Variants in MAP2 observed in about 807,000 individuals in gnomAD.
MAP2 encodes the protein microtubule associated protein 2.
A neutral mutation model predicts 137.6 loss-of-function variants in MAP2; 14 were observed. That is an observed-to-expected ratio of 0.10 (90% CI 0.07 to 0.16). The LOEUF (loss-of-function observed/expected upper bound fraction) is 0.16, where lower values mean the gene tolerates loss of function less well. Among genes scored for constraint, MAP2 ranks in the 10% least tolerant of loss-of-function variants. MAP2 has a pLI of 1.00. For synonymous variants in MAP2, 786 were observed against 782.3 expected (o/e 1.00, Z -0.08); for missense variants, 2,088 against 2,191.5 (o/e 0.95, Z 0.94).
Position 209,695,561 on chromosome 2 carries a change from T to A in MAP2, c.3391T>A (p.Tyr1131Asn). The change falls in exon 8 of 16, where the codon TAT becomes AAT. Residue 1131 changes from tyrosine to asparagine, a missense_variant. Physicochemically the swap from Tyr to Asn is moderately radical, Grantham distance 143. Around this residue, in one of 6 missense-constraint regions of MAP2, gnomAD observed 8 missense variants for 28.8 expected, o/e 0.28. Coordinates refer to ENST00000682079, the MANE Select transcript of MAP2 (RefSeq NM_001375505.1). ...HQEAVDKEES[Y>N]ESSGEHESLT... Reference sequence around the variant, plus strand: ...GGAGGCTGTAGACAAGGAGGAGTCCTATGAATCTAGTGGTGAGCATGAAAG... The same window carrying A: ...GGAGGCTGTAGACAAGGAGGAGTCCAATGAATCTAGTGGTGAGCATGAAAG... 6.2e-7 allele frequency: 1 copy of A among 1,614,052 alleles called. No homozygotes were observed. Among genetic ancestry groups the A allele is most frequent in the Non-Finnish European group, 8.5e-7 (1 of 1,180,008 alleles).
chr2:209,713,329 T>C (rs16843574), intron 13 of MAP2, among the ~76,000 whole-genome samples: 5,674 of 152,290 alleles, frequency 0.037, 266 homozygotes, highest in South Asian at 0.22. Flanking sequence ...TGTACAGGTT[T>C]TGTGCTTAAC....
intron 13 of MAP2, among the ~76,000 whole-genome samples, chr2:209,712,147 A>G (rs954806305): frequency 2.0e-5 from 3 of 152,154 alleles, no homozygotes; most frequent in African/African-American, 4.8e-5. Context: ...CTAAGATTCA[A>G]TCAACCCAAA....
chr2:209,477,851 A>C (rs1434330503), intron 1 of MAP2, among the ~76,000 whole-genome samples: 1 of 151,690 alleles, frequency 6.6e-6, no homozygotes, highest in Non-Finnish European at 1.5e-5. Flanking sequence ...TTAAAAAAAA[A>C]AAAAAAGCCA....
At chr2:209,659,601 T>C (rs562181655) in intron 5 of MAP2, among the ~76,000 whole-genome samples, 1 of 152,296 alleles carries the variant, frequency 6.6e-6, no homozygotes, top group African/African-American at 2.4e-5. Flanking sequence ...TTATTCCTAG[T>C]TTTCAATCTG....
At chr2:209,536,958 C>T (rs1311423928) in intron 2 of MAP2, among the ~76,000 whole-genome samples, 1 of 152,152 alleles carries the variant, frequency 6.6e-6, no homozygotes, top group African/African-American at 2.4e-5. Flanking sequence ...GTAAGGATAG[C>T]TCACAGTGGC....
At chr2:209,663,418 C>T (rs1295714844) in intron 5 of MAP2, among the ~76,000 whole-genome samples, 1 of 152,156 alleles carries the variant, frequency 6.6e-6, no homozygotes, top group East Asian at 1.9e-4. Flanking sequence ...TGTAGCTCGT[C>T]TCACTGAATG....
intron 4 of MAP2, among the ~76,000 whole-genome samples, chr2:209,625,925 A>G (rs1254227368): frequency 2.0e-5 from 3 of 152,154 alleles, no homozygotes; most frequent in African/African-American, 7.2e-5. Context: ...CAAAATTCCT[A>G]TGATAAAAGC....
rs115065247 is a variant in MAP2, at chr2:209,723,681, C to T, written c.5074-2028C>T. The T allele has an allele frequency of 1.7e-3, 2,765 of 1,612,884 alleles. 2 individuals are homozygous for T. Among genetic ancestry groups the T allele is most frequent in the Non-Finnish European group, 2.0e-3 (2,368 of 1,178,876 alleles). ...ATAACATCAAACATTCGGCTGGGGG[C>T]GGAAATGTAAGTAGAAGCGCCTTTT... is the stretch of plus-strand genomic sequence containing the variant. On this transcript the variant is annotated intron_variant, in intron 13 of 15. Coordinates refer to ENST00000682079, the MANE Select transcript of MAP2 (RefSeq NM_001375505.1).
At chr2:209,539,013 A>G (rs570194884) in intron 2 of MAP2, among the ~76,000 whole-genome samples, 1 of 152,316 alleles carries the variant, frequency 6.6e-6, no homozygotes, top group South Asian at 2.1e-4. Context: ...AAAAAATATT[A>G]GAATGATACA....
intron 5 of MAP2, among the ~76,000 whole-genome samples, chr2:209,660,784 A>T (rs1382062233): frequency 6.9e-6 from 1 of 144,466 alleles, no homozygotes; most frequent in East Asian, 2.1e-4. Context: ...CCCAGGCTGG[A>T]GTGCAGTGGC....
intron 1 of MAP2, among the ~76,000 whole-genome samples, chr2:209,458,396 C>T (rs1218940496): frequency 3.3e-5 from 5 of 152,118 alleles, no homozygotes; most frequent in African/African-American, 1.2e-4. Context: ...TAAAAAGGAA[C>T]TGTTCTAGGG....
At chr2:209,704,532 A>G in intron 11 of MAP2, 1 of 1,612,858 alleles carries the variant, frequency 6.2e-7, no homozygotes, top group Non-Finnish European at 8.5e-7. Context: ...AGCACGACTA[A>G]AAGGGCTACA....
intron 2 of MAP2, among the ~76,000 whole-genome samples, chr2:209,562,066 C>G (rs1578294225): frequency 6.6e-6 from 1 of 152,178 alleles, no homozygotes; most frequent in East Asian, 1.9e-4. Flanking sequence ...ATTCCTTATA[C>G]TTAAGGGTCA....
chr2:209,545,979 A>T (rs1456489657), intron 2 of MAP2, among the ~76,000 whole-genome samples: 1 of 152,092 alleles, frequency 6.6e-6, no homozygotes. Flanking sequence ...TCTCTACTAA[A>T]AAAATACAAA....
At chr2:209,639,700 A>T (rs1443105074) in intron 4 of MAP2, among the ~76,000 whole-genome samples, 1 of 151,154 alleles carries the variant, frequency 6.6e-6, no homozygotes, top group Non-Finnish European at 1.5e-5. Flanking sequence ...CATCGACCTC[A>T]TTTCCACACT....
chr2:209,585,679 C>G (rs1291895811), intron 3 of MAP2, among the ~76,000 whole-genome samples: 1 of 152,092 alleles, frequency 6.6e-6, no homozygotes, highest in African/African-American at 2.4e-5. Context: ...CATTTTAAAT[C>G]CCTACTGTTT....
intron 12 of MAP2, among the ~76,000 whole-genome samples, chr2:209,708,675 T>A (rs1390807037): frequency 6.6e-6 from 1 of 152,226 alleles, no homozygotes; most frequent in Non-Finnish European, 1.5e-5. Flanking sequence ...TATATATTTA[T>A]TCTCTACAAA....
chr2:209,704,735 G>A (rs12619409), intron 11 of MAP2: 77,268 of 975,298 alleles, frequency 0.079, 3,919 homozygotes, highest in East Asian at 0.22. Flanking sequence ...TGAAGTGTTT[G>A]ACACATAAAC....
chr2:209,489,293 A>G (rs1259855523), intron 1 of MAP2, among the ~76,000 whole-genome samples: 1 of 152,218 alleles, frequency 6.6e-6, no homozygotes, highest in African/African-American at 2.4e-5. Context: ...AAGGTCACCA[A>G]CAGCAAAGAC....
Sources: allele counts gnomAD v4.1 joint callset (sites outside exome capture counted in the v4.1 genomes callset), GRCh38; gene constraint gnomAD v4.1.1; regional missense constraint gnomAD v4.1.1; transcripts MANE v1.5; gene names NCBI Gene and HGNC (gene_info 2026-07-23, HGNC 2026-07-21).